The following IQCM variants were observed in gnomAD, a reference collection of about 807,000 sequenced individuals.
The protein encoded by IQCM is IQ motif containing M.
IQCM carries 45 observed loss-of-function variants against 57.6 expected under a neutral mutation model. The ratio of observed to expected loss-of-function variants is 0.78; its 90% CI spans 0.62 to 1.00. IQCM has a LOEUF of 1.00. Ranked by LOEUF, IQCM falls within the 50% of genes least tolerant of loss-of-function variation. The pLI, the probability that IQCM is intolerant of heterozygous loss-of-function variation, is 0.00. For missense variants in IQCM, 468 were observed against 511.6 expected, an observed-to-expected ratio of 0.91 and a Z score of 0.82; for synonymous variants, 148 against 158.9, an observed-to-expected ratio of 0.93 and a Z score of 0.51.
chr4:149,483,056 T>C (rs531586427), intron 12 of IQCM, among the ~76,000 whole-genome samples: 41 of 152,036 alleles, frequency 2.7e-4, no homozygotes, highest in African/African-American at 7.9e-4. Flanking sequence ...CATTGGCATA[T>C]AGTTGTTCAT....
intron 13 of IQCM, among the ~76,000 whole-genome samples, chr4:149,409,710 G>C (rs1733235781): frequency 6.6e-6 from 1 of 152,056 alleles, no homozygotes; most frequent in Non-Finnish European, 1.5e-5. Context: ...GTTCTCCCTG[G>C]TGTTTCCTCC....
At chr4:149,445,611 T>A (rs927110985) in intron 12 of IQCM, among the ~76,000 whole-genome samples, 2 of 151,790 alleles carry the variant, frequency 1.3e-5, no homozygotes, top group Admixed American at 1.3e-4. Flanking sequence ...TGCCTGTGCT[T>A]AGGGTAATTG....
At chr4:149,434,268 A>G (rs1464597989) in intron 12 of IQCM, among the ~76,000 whole-genome samples, 1 of 152,108 alleles carries the variant, frequency 6.6e-6, no homozygotes, top group African/African-American at 2.4e-5. Context: ...TTGCAAATGA[A>G]TCTTTGTCAG....
chr4:149,514,310 C>T (rs946081852), intron 12 of IQCM, among the ~76,000 whole-genome samples: 3 of 152,112 alleles, frequency 2.0e-5, no homozygotes, highest in African/African-American at 4.8e-5. Flanking sequence ...AAAGAACATG[C>T]TAAATATATA....
rs143183465 is a variant in IQCM at position 149,456,597 on chromosome 4, C to A, written c.1229-23040G>T. ...GATCAGGCAGATCAGCTGTAGAATT[C>A]TCTACTTGTAGTGTCATGCAAGATC... On this transcript the variant is annotated intron_variant, in intron 12 of 13. Transcript: ENST00000636793. Among the ~76,000 whole-genome samples, 378 of 152,154 alleles carry A rather than the reference C, an allele frequency of 2.5e-3. 3 individuals carry two copies. Among genetic ancestry groups the A allele is most frequent in the African/African-American group, 6.5e-3 (272 of 41,548 alleles).
intron 7 of IQCM, among the ~76,000 whole-genome samples, chr4:149,654,474 C>G (rs1438498384): frequency 6.6e-6 from 1 of 152,132 alleles, no homozygotes. Flanking sequence ...TTTTACCATG[C>G]AACATGCAAG....
chr4:149,609,233 A>T (rs1272374424), intron 8 of IQCM, among the ~76,000 whole-genome samples: 2 of 151,816 alleles, frequency 1.3e-5, no homozygotes, highest in Admixed American at 1.3e-4. Flanking sequence ...GTATTGAGAT[A>T]GAAGCAGTAA....
intron 12 of IQCM, among the ~76,000 whole-genome samples, chr4:149,531,490 C>A (rs1045913366): frequency 2.6e-5 from 4 of 152,084 alleles, no homozygotes; most frequent in Non-Finnish European, 4.4e-5. Context: ...TTTCCAACTG[C>A]AACTTCCTTC....
At chr4:149,444,464 G>C (rs1041960903) in intron 12 of IQCM, among the ~76,000 whole-genome samples, 2 of 151,806 alleles carry the variant, frequency 1.3e-5, no homozygotes, top group African/African-American at 4.8e-5. Context: ...AAGACAACTT[G>C]GGTTATTTCC....
At chr4:149,643,215 A>T (rs1373857543) in intron 7 of IQCM, among the ~76,000 whole-genome samples, 1 of 152,192 alleles carries the variant, frequency 6.6e-6, no homozygotes, top group Non-Finnish European at 1.5e-5. Context: ...GCAGGTATTT[A>T]TTTCATATTT....
chr4:149,705,339 G>C (rs975159962), intron 5 of IQCM, among the ~76,000 whole-genome samples: 2 of 150,644 alleles, frequency 1.3e-5, no homozygotes, highest in Admixed American at 6.6e-5. Flanking sequence ...AACTATTAGA[G>C]TAGGGCTGAC....
At chr4:149,478,574 A>C (rs1237947767) in intron 12 of IQCM, among the ~76,000 whole-genome samples, 1 of 152,184 alleles carries the variant, frequency 6.6e-6, no homozygotes, top group East Asian at 1.9e-4. Context: ...TGGAGGGAAC[A>C]CAGCATATTT....
At chr4:149,645,155 A>C (rs1758529083) in intron 7 of IQCM, among the ~76,000 whole-genome samples, 1 of 152,134 alleles carries the variant, frequency 6.6e-6, no homozygotes, top group Admixed American at 6.5e-5. Flanking sequence ...TTTACTCTTT[A>C]GTTTCCAGAA....
intron 7 of IQCM, among the ~76,000 whole-genome samples, chr4:149,654,140 C>T (rs1759434057): frequency 6.6e-6 from 1 of 152,142 alleles, no homozygotes; most frequent in Non-Finnish European, 1.5e-5. Context: ...GTAACAAAGG[C>T]CATCAGCTAG....
intron 9 of IQCM, among the ~76,000 whole-genome samples, chr4:149,574,046 C>A (rs552460884): frequency 2.6e-5 from 4 of 151,826 alleles, no homozygotes; most frequent in Non-Finnish European, 4.4e-5. Flanking sequence ...AGCCATATCA[C>A]AAATACAGAC....
intron 12 of IQCM, among the ~76,000 whole-genome samples, chr4:149,500,949 G>A (rs138738966): frequency 7.6e-4 from 116 of 152,276 alleles, no homozygotes; most frequent in Middle Eastern, 3.4e-3. Flanking sequence ...TATGCCATGA[G>A]GTTGTTTCCT....
chr4:149,779,251 T>C (rs1771381203), intron 2 of IQCM, among the ~76,000 whole-genome samples: 1 of 152,158 alleles, frequency 6.6e-6, no homozygotes, highest in African/African-American at 2.4e-5. Context: ...AGATTTCTTA[T>C]AGATACAGAC....
intron 7 of IQCM, among the ~76,000 whole-genome samples, chr4:149,653,659 T>A (rs1400952338): frequency 6.6e-6 from 1 of 152,122 alleles, no homozygotes; most frequent in African/African-American, 2.4e-5. Flanking sequence ...ACTGTGACAT[T>A]AAATTTTTAA....
At chr4:149,373,481 C>A (rs983145868) in intron 13 of IQCM, among the ~76,000 whole-genome samples, 3 of 151,956 alleles carry the variant, frequency 2.0e-5, no homozygotes, top group African/African-American at 7.2e-5. Context: ...AATGAGAAAA[C>A]GAAGGTTCAC....
Sources: allele counts gnomAD v4.1 joint callset (sites outside exome capture counted in the v4.1 genomes callset), GRCh38; gene constraint gnomAD v4.1.1; transcripts MANE v1.5; gene names NCBI Gene and HGNC (gene_info 2026-07-23, HGNC 2026-07-21).